The following APC variants were observed in gnomAD, a reference collection of about 807,000 sequenced individuals.
APC encodes the protein APC regulator of Wnt signaling pathway, also known as adenomatous polyposis coli protein.
Under a neutral mutation model 247.0 loss-of-function variants are expected in APC, and 72 were observed. That is an observed-to-expected ratio of 0.29 (90% CI 0.24 to 0.35). The LOEUF (loss-of-function observed/expected upper bound fraction) is 0.35. APC is among the 10% of genes least tolerant of loss of function. The probability of loss-of-function intolerance (pLI) is 1.00; values close to 1 mark genes in which losing one functional copy is unlikely to be tolerated. For synonymous variants in APC, 1,254 were observed against 1,162.5 expected (o/e 1.08, Z -1.60); for missense variants, 3,400 against 3,360.7 (o/e 1.01, Z -0.29).
At chr5:112,801,733 A>G (rs1205361820) in intron 8 of APC, among the ~76,000 whole-genome samples, 1 of 151,952 alleles carries the variant, frequency 6.6e-6, no homozygotes, top group Non-Finnish European at 1.5e-5. Context: ...TTTCACTAAG[A>G]CCTTCAATGT....
intron 2 of APC, among the ~76,000 whole-genome samples, chr5:112,763,793 A>G (rs1487611035): frequency 6.6e-6 from 1 of 152,224 alleles, no homozygotes; most frequent in African/African-American, 2.4e-5. Flanking sequence ...CATCAGCTTC[A>G]CCTGAGAACT....
At chr5:112,760,504 T>G (rs187776484) in intron 2 of APC, among the ~76,000 whole-genome samples, 1 of 152,252 alleles carries the variant, frequency 6.6e-6, no homozygotes, top group East Asian at 1.9e-4. Flanking sequence ...AGAAACAACA[T>G]TTAAGGCTAG....
At chr5:112,725,359 C>T (rs1751718214) in intron 1 of APC, among the ~76,000 whole-genome samples, 1 of 152,100 alleles carries the variant, frequency 6.6e-6, no homozygotes, top group Non-Finnish European at 1.5e-5. Flanking sequence ...AAGAGAGTGC[C>T]ACTCGGTTCT....
Position 112,800,809 on chromosome 5 carries a change from C to T in APC, c.730-470C>T, listed in dbSNP as rs576633539. 2.3e-3 allele frequency among the ~76,000 whole-genome samples: 348 copies of T among 151,878 alleles called. 2 individuals carry two copies. Among genetic ancestry groups the T allele is most frequent in the African/African-American group, 8.0e-3 (330 of 41,422 alleles). On this transcript the variant is annotated intron_variant, in intron 7 of 15. Transcript: ENST00000257430. Reference sequence around the variant, plus strand: ...GCTAAGAGCCTATCATTTTATTTCACCTAACTTTTATTAGAAGATATACAT... The same window carrying T: ...GCTAAGAGCCTATCATTTTATTTCATCTAACTTTTATTAGAAGATATACAT...
intron 1 of APC, among the ~76,000 whole-genome samples, chr5:112,725,826 G>GA (rs1267546288): frequency 1.3e-5 from 2 of 152,166 alleles, no homozygotes; most frequent in African/African-American, 4.8e-5. Context: ...ATTTTGTTGA[G>GA]AAAATCTAAG....
intron 2 of APC, among the ~76,000 whole-genome samples, chr5:112,765,850 A>G (rs1365535114): frequency 6.6e-6 from 1 of 152,232 alleles, no homozygotes; most frequent in Non-Finnish European, 1.5e-5. Flanking sequence ...TTAGTATACT[A>G]GCAGAATATA....
chr5:112,779,555 A>G (rs1164357730), intron 5 of APC, among the ~76,000 whole-genome samples: 1 of 152,156 alleles, frequency 6.6e-6, no homozygotes, highest in Non-Finnish European at 1.5e-5. Context: ...TTTTGCATTT[A>G]TGTTGGGAAG....
chr5:112,842,487 C>A lies in APC; in HGVS notation c.6893C>A (p.Ala2298Glu), dbSNP rs1554087829. 1 of 1,614,018 alleles carries A rather than the reference C, an allele frequency of 6.2e-7. No individual in the cohort carries two copies. Among genetic ancestry groups the A allele is most frequent in the Non-Finnish European group, 8.5e-7 (1 of 1,179,940 alleles). ...QTSQIGGSSK[A>E]PSRSGSRDST... ...TCCCAAATAGGTGGGTCAAGTAAAG[C>A]ACCTTCTAGATCAGGATCTAGAGAT... Residue 2298 changes from alanine (A) to glutamate (E), a missense_variant, in exon 16 of 16, where the codon GCA becomes GAA. Physicochemically the swap from Ala to Glu is moderately radical, Grantham distance 107 (BLOSUM62 -1). Transcript: ENST00000257430.
intron 14 of APC, among the ~76,000 whole-genome samples, chr5:112,832,912 T>C (rs1764445038): frequency 6.6e-6 from 1 of 152,216 alleles, no homozygotes; most frequent in African/African-American, 2.4e-5. Context: ...TTGCATCCTC[T>C]AGAGTGCCTC....
chr5:112,769,071 G>A (rs112580121), intron 4 of APC, among the ~76,000 whole-genome samples: 2 of 25,332 alleles, frequency 7.9e-5, no homozygotes, highest in Non-Finnish European at 1.6e-4. Context: ...TTTTTTTTTT[G>A]AGATAAGAGT....
chr5:112,783,878 T>A (rs1480702035), intron 6 of APC: 3 of 300,412 alleles, frequency 1.0e-5, no homozygotes, highest in Non-Finnish European at 1.9e-5. Context: ...AAAATTAAGT[T>A]CAAGTGTCTA....
At chr5:112,827,269 T>G (rs2149810751) in intron 12 of APC, 22 bp downstream of exon 12, 1 of 1,613,266 alleles carries the variant, frequency 6.2e-7, no homozygotes, top group Non-Finnish European at 8.5e-7. Flanking sequence ...TAACATGTAT[T>G]TCTTAAGATA....
chr5:112,827,010 G>C (rs929326408), intron 11 of APC, 98 bp from the exon 12 acceptor site: 8 of 1,208,490 alleles, frequency 6.6e-6, no homozygotes, highest in South Asian at 3.9e-5. Flanking sequence ...TATTCTCATT[G>C]ATTGAGTTTT....
chr5:112,710,611 GAGGACGTTCTAA>G (rs767469516), intron 1 of APC, among the ~76,000 whole-genome samples: 56 of 152,208 alleles, frequency 3.7e-4, no homozygotes, highest in Admixed American at 2.9e-3. Flanking sequence ...TCAACTCTAG[GAGGACGTTCTAA>G]AGCTTGAGTC....
chr5:112,804,121 C>T (rs1761119758), intron 8 of APC, among the ~76,000 whole-genome samples: 2 of 152,184 alleles, frequency 1.3e-5, no homozygotes, highest in South Asian at 2.1e-4. Context: ...ATATGTTTTA[C>T]TCATCCTTCC....
In APC at chr5:112,839,153, A is replaced by G. The variant is rs1554085107; in HGVS notation, c.3559A>G (p.Ile1187Val). 6.2e-7 allele frequency: 1 copy of G among 1,614,146 alleles called. No homozygotes were observed. Among genetic ancestry groups the G allele is most frequent in the African/African-American group, 1.3e-5 (1 of 75,056 alleles). The stretch of plus-strand genomic sequence containing the variant: ...TTATAGTTTAAAATATGCCACAGAT[A>G]TTCCTTCATCACAGAAACAGTCATT... ...IDYSLKYATD[I>V]PSSQKQSFSF... The change falls in exon 16 of 16, where the codon ATT (isoleucine) becomes GTT (valine). Residue 1187 changes from isoleucine to valine, a missense_variant. Coordinates refer to ENST00000257430, the MANE Select transcript of APC (RefSeq NM_000038.6). This position sits in a 1 kb window ranked among gnomAD's most constrained non-coding sequence, Gnocchi z 5.0.
chr5:112,717,908 CTTTTTTTTTTTTTT>C, intron 1 of APC, among the ~76,000 whole-genome samples: 20 of 40,660 alleles, frequency 4.9e-4, no homozygotes, highest in Admixed American at 1.7e-3. Flanking sequence ...TTTTCTTTTT[CTTTTTTTTTTTTTT>C]TTTTTTTTTT....
chr5:112,745,544 T>C (rs2149706038), intron 1 of APC, among the ~76,000 whole-genome samples: 1 of 141,486 alleles, frequency 7.1e-6, no homozygotes, highest in South Asian at 2.4e-4. Context: ...GAATTAATAT[T>C]CACTTTATTA....
At chr5:112,720,916 A>G (rs559316847) in intron 1 of APC, among the ~76,000 whole-genome samples, 1 of 152,298 alleles carries the variant, frequency 6.6e-6, no homozygotes, top group South Asian at 2.1e-4. Flanking sequence ...TAACAGAGGG[A>G]GAGAAGAGTA....
Sources: gnomAD v4.1 joint callset for allele counts (sites outside exome capture counted in the v4.1 genomes callset) on GRCh38, gnomAD v4.1.1 for gene constraint, Gnocchi (gnomAD v3.1) non-coding constraint, MANE v1.5 for transcripts, NCBI Gene and HGNC (gene_info 2026-07-23, HGNC 2026-07-21) for gene names.